The following RAG1 variants were observed in gnomAD, a reference collection of about 807,000 sequenced individuals.
RAG1 encodes V(D)J recombination-activating protein 1.
A neutral mutation model predicts 62.7 loss-of-function variants in RAG1; 35 were observed. The observed-to-expected ratio is 0.56, with a 90% CI of 0.43 to 0.74. RAG1 has a LOEUF of 0.74. Among genes scored for constraint, RAG1 ranks in the 30% least tolerant of loss-of-function variants. The probability of loss-of-function intolerance (pLI) is 0.00; values close to 1 mark genes in which losing one functional copy is unlikely to be tolerated. For synonymous variants in RAG1, 461 were observed against 470.3 expected (o/e 0.98, Z 0.26); for missense variants, 1,169 against 1,278.6 (o/e 0.91, Z 1.31).
intron 1 of RAG1, 44 bp from the exon 2 acceptor site, chr11:36,573,247 A>T (rs992489148): frequency 1.9e-6 from 3 of 1,573,140 alleles, no homozygotes; most frequent in Non-Finnish European, 2.6e-6. Flanking sequence ...CATCAGTGGG[A>T]TATTGATATT....
At chr11:36,560,467 C>T (rs974809813) in intron 3 of RAG1, among the ~76,000 whole-genome samples, 2 of 152,034 alleles carry the variant, frequency 1.3e-5, no homozygotes, top group African/African-American at 4.8e-5. Context: ...AGTCTTTTGT[C>T]TGGTGGAATG....
intron 1 of RAG1, among the ~76,000 whole-genome samples, 187 bp downstream of exon 1, chr11:36,568,309 G>A (rs992897349): frequency 6.6e-6 from 1 of 152,094 alleles, no homozygotes; most frequent in African/African-American, 2.4e-5. Flanking sequence ...GCCACTGAAG[G>A]TTCATAGAAA....
At chr11:36,565,593 T>A (rs1001035071), upstream of RAG1, among the ~76,000 whole-genome samples, 1 of 152,244 alleles carries the variant, frequency 6.6e-6, no homozygotes, top group African/African-American at 2.4e-5. Flanking sequence ...GGCCAATACA[T>A]GTCAGCAGTG....
At chr11:36,528,713 T>C (rs988604010) in intron 2 of RAG1, among the ~76,000 whole-genome samples, 3 of 147,554 alleles carry the variant, frequency 2.0e-5, no homozygotes, top group Non-Finnish European at 4.4e-5. Context: ...CCAGGAGATG[T>C]TTTTTTTGAA....
chr11:36,563,378 C>A (rs1194277741), upstream of RAG1: 6 of 152,178 alleles, frequency 3.9e-5, no homozygotes, highest in Non-Finnish European at 1.5e-5. Context: ...TCTTCTCCTG[C>A]CCTCAGACAT....
chr11:36,557,667 G>A (rs990569024), intron 3 of RAG1, among the ~76,000 whole-genome samples: 1 of 148,112 alleles, frequency 6.8e-6, no homozygotes, highest in African/African-American at 2.7e-5. Flanking sequence ...GAGTTCAAAT[G>A]CAGTCACATT....
At position 36,518,109 on chromosome 11, in the gene RAG1, G is replaced by C. The variant is rs142675585; in HGVS notation, n.331-2023G>C. Among the ~76,000 whole-genome samples, 57 of 150,582 alleles carry C rather than the reference G, an allele frequency of 3.8e-4. 1 individual carries two copies. In the East Asian group the frequency reaches 9.7e-3, roughly 26 times the overall value. ...CAGTGTTTGGTTTTTTTGTCCTTGC[G>C]ATAGTTTGCTGAGAATGATGGTTTC... On this transcript the variant is annotated intron_variant and non_coding_transcript_variant, in intron 1 of 2. Transcript: ENST00000529126.
chr11:36,522,015 A>G (rs1860087393), intron 2 of RAG1, among the ~76,000 whole-genome samples: 1 of 152,146 alleles, frequency 6.6e-6, no homozygotes, highest in Non-Finnish European at 1.5e-5. Context: ...CAGTTTTATA[A>G]GGGAAGCAGA....
intron 2 of RAG1, among the ~76,000 whole-genome samples, chr11:36,533,896 G>A (rs1281801586): frequency 6.6e-6 from 1 of 151,924 alleles, no homozygotes; most frequent in Non-Finnish European, 1.5e-5. Flanking sequence ...CAAGCATCCA[G>A]ATAAAATTTC....
chr11:36,558,732 C>A (rs374760250), intron 3 of RAG1, among the ~76,000 whole-genome samples: 20 of 152,294 alleles, frequency 1.3e-4, no homozygotes, highest in African/African-American at 4.3e-4. Context: ...AACAGTCTAT[C>A]TCTCTTAATT....
downstream of RAG1, among the ~76,000 whole-genome samples, chr11:36,536,822 G>A (rs1340485852): frequency 6.6e-6 from 1 of 151,136 alleles, no homozygotes; most frequent in Non-Finnish European, 1.5e-5. Context: ...GCAGTGGCAC[G>A]ATCTCAGCTC....
chr11:36,535,333 T>C (rs1860311175), intron 2 of RAG1, among the ~76,000 whole-genome samples: 1 of 152,194 alleles, frequency 6.6e-6, no homozygotes, highest in South Asian at 2.1e-4. Flanking sequence ...ATATATCTAT[T>C]TCAAGTTCAA....
chr11:36,518,856 A>G (rs1431816516), intron 1 of RAG1, among the ~76,000 whole-genome samples: 3 of 152,158 alleles, frequency 2.0e-5, no homozygotes, highest in East Asian at 3.9e-4. Flanking sequence ...ATTAGATCCC[A>G]TTTGTCAATT....
At chr11:36,547,612 C>T (rs1850414563) in intron 3 of RAG1, among the ~76,000 whole-genome samples, 2 of 152,232 alleles carry the variant, frequency 1.3e-5, no homozygotes, top group Non-Finnish European at 2.9e-5. Flanking sequence ...ATAACAAATT[C>T]TGAAATTGAG....
rs1215266586 is a variant in RAG1 at position 36,575,804 on chromosome 11, G to T, written c.2500G>T (p.Ala834Ser). ...ASKEERKRWQ[A>S]TLDKHLRKKM... ...CAAAGAGGAAAGGAAAAGGTGGCAG[G>T]CCACACTGGACAAGCATCTCCGGAA... is the stretch of plus-strand genomic sequence containing the variant. The change falls in exon 2 of 2, where the codon GCC becomes TCC. Residue 834 changes from alanine to serine, a missense_variant. Transcript: ENST00000299440. The surrounding 1 kb of genome is among the most constrained non-coding windows in gnomAD (Gnocchi z 4.1). 3.1e-6 allele frequency: 5 copies of T among 1,614,100 alleles called. No individual in the cohort carries two copies. The highest frequency in any genetic ancestry group is 3.3e-5 in the Admixed American group (2 of 60,014).
Position 36,575,748 on chromosome 11 carries a change from T to C in RAG1, c.2444T>C (p.Ile815Thr), listed in dbSNP as rs1251259946. 4 of 1,614,160 alleles carry C rather than the reference T, an allele frequency of 2.5e-6. No individual in the cohort carries two copies. Among genetic ancestry groups the C allele is most frequent in the East Asian group, 2.2e-5 (1 of 44,880 alleles). Residue 815 changes from isoleucine (I) to threonine (T), a missense_variant, in exon 2 of 2, where the codon ATA (isoleucine) becomes ACA (threonine). Coordinates refer to ENST00000299440, the MANE Select transcript of RAG1 (RefSeq NM_000448.3). The surrounding 1 kb of genome is among the most constrained non-coding windows in gnomAD (Gnocchi z 4.1). ...AEFYKIFQLE[I>T]GEVYKNPNAS... Reference sequence around the variant, plus strand: ...TTCTACAAGATCTTCCAGCTAGAGATAGGGGAAGTGTATAAGAATCCCAAT... The same window carrying C: ...TTCTACAAGATCTTCCAGCTAGAGACAGGGGAAGTGTATAAGAATCCCAAT...
chr11:36,536,022 C>G (rs576073805), downstream of RAG1: 1 of 152,214 alleles, frequency 6.6e-6, no homozygotes, highest in Admixed American at 6.5e-5. Context: ...TTCTTTCCTG[C>G]AGAGTTAACT....
chr11:36,529,211 A>T (rs1310143743), intron 2 of RAG1, among the ~76,000 whole-genome samples: 50 of 152,182 alleles, frequency 3.3e-4, no homozygotes. Flanking sequence ...TTAGGCCAAT[A>T]TTCCTGAAGA....
intron 3 of RAG1, among the ~76,000 whole-genome samples, chr11:36,542,797 T>C (rs1295133540): frequency 6.6e-6 from 1 of 152,146 alleles, no homozygotes; most frequent in Non-Finnish European, 1.5e-5. Context: ...ATGTTTTGAA[T>C]TTTTTCCTTT....
Sources: allele counts gnomAD v4.1 joint callset (sites outside exome capture counted in the v4.1 genomes callset), GRCh38; gene constraint gnomAD v4.1.1; non-coding constraint Gnocchi (gnomAD v3.1); transcripts MANE v1.5; gene names NCBI Gene and HGNC (gene_info 2026-07-23, HGNC 2026-07-21).